Variants in P2RX3 observed in about 807,000 individuals in gnomAD.
P2RX3 encodes purinergic receptor P2X 3, also known as P2X purinoceptor 3.
Under a neutral mutation model 51.5 loss-of-function variants are expected in P2RX3, and 41 were observed. The observed-to-expected ratio is 0.80, with a 90% confidence interval of 0.62 to 1.03. The LOEUF is 1.03. Among genes scored for constraint, P2RX3 ranks in the 50% least tolerant of loss-of-function variants. The probability of loss-of-function intolerance (pLI) is 0.00; values close to 1 mark genes in which losing one functional copy is unlikely to be tolerated. For synonymous variants in P2RX3, 185 were observed against 191.6 expected (o/e 0.97, Z 0.29); for missense variants, 459 against 522.1 (o/e 0.88, Z 1.18).
chr11:57,360,601 G>C (rs1401299446), intron 8 of P2RX3, among the ~76,000 whole-genome samples: 1 of 151,570 alleles, frequency 6.6e-6, no homozygotes, highest in Non-Finnish European at 1.5e-5. Flanking sequence ...GACCATCCTG[G>C]CCAACATGGT....
At chr11:57,362,230 G>A (rs1856731442) in intron 8 of P2RX3, among the ~76,000 whole-genome samples, 1 of 152,244 alleles carries the variant, frequency 6.6e-6, no homozygotes, top group South Asian at 2.1e-4. Flanking sequence ...CAGGAAGGCA[G>A]GTAGTCTGGT....
Position 57,368,369 on chromosome 11 carries a change from C to T in P2RX3, c.937-3C>T. On this transcript the variant is annotated splice_polypyrimidine_tract_variant and splice_region_variant and intron_variant, in intron 9 of 11. Coordinates refer to ENST00000263314, the MANE Select transcript of P2RX3 (RefSeq NM_002559.5). ...CCACTTGCCTTGGTCTTTGTGCACA[C>T]AGGCTGGCAAGTTCAACATCATCCC... 1 of 1,614,162 alleles carries T rather than the reference C, an allele frequency of 6.2e-7. No individual in the cohort carries two copies. Among genetic ancestry groups the T allele is most frequent in the Non-Finnish European group, 8.5e-7 (1 of 1,180,030 alleles).
rs769245199 is a variant in P2RX3, at chr11:57,348,695, A to G, written c.554A>G (p.Asn185Ser). The G allele has an allele frequency of 3.1e-6, 5 of 1,613,012 alleles. No individual in the cohort carries two copies. In the Admixed American group the frequency reaches 5.0e-5, roughly 16 times the overall value. The change falls in exon 6 of 12, where the codon AAC becomes AGC. Residue 185 changes from asparagine (N) to serine (S), a missense_variant. By Grantham distance (46) the Asn-to-Ser change is conservative (BLOSUM62 1). Coordinates refer to ENST00000263314, the MANE Select transcript of P2RX3 (RefSeq NM_002559.5). ...IKNSIRFPLF[N>S]FEKGNLLPNL... ...AACAGCATCCGTTTCCCCCTCTTCA[A>G]CTTTGAGAAGTGAGTCCCCACTCCT...
chr11:57,346,787 G>T, intron 2 of P2RX3, 108 bp downstream of exon 2: 5 of 1,436,888 alleles, frequency 3.5e-6, no homozygotes, highest in Non-Finnish European at 4.7e-6. Context: ...TAGAATCCAT[G>T]ATGTCACTGA....
In P2RX3 at chr11:57,368,418, C is replaced by T; in HGVS notation, c.983C>T (p.Ala328Val). ...CCCACCATCATCAGCTCTGTGGCGG[C>T]CTTTACTTCTGTGGGAGTGGTGAGT... ...IIPTIISSVAAFTSVGVGTVL... is the reference protein window; with the variant it reads ...IIPTIISSVAVFTSVGVGTVL... Residue 328 changes from alanine (A) to valine (V), a missense_variant, in exon 10 of 12, where the codon GCC (alanine) becomes GTC (valine). By Grantham distance (64) the Ala-to-Val change is moderately conservative (BLOSUM62 0). Transcript: ENST00000263314. 1 of 1,614,184 alleles carries T rather than the reference C, an allele frequency of 6.2e-7. No homozygotes were observed. The highest frequency in any genetic ancestry group is 8.5e-7 in the Non-Finnish European group (1 of 1,180,032).
Position 57,348,298 on chromosome 11 carries a change from C to T in P2RX3, c.485+35C>T, listed in dbSNP as rs541753717. 14 of 1,541,510 alleles carry T rather than the reference C, an allele frequency of 9.1e-6. No individual in the cohort carries two copies. In the African/African-American group the frequency reaches 9.5e-5, roughly 10 times the overall value. On this transcript the variant is annotated intron_variant, in intron 5 of 11. Coordinates refer to ENST00000263314, the MANE Select transcript of P2RX3 (RefSeq NM_002559.5). Reference sequence around the variant, plus strand: ...CAAGCCAGACAGGAGGAGACAGGCCCCCACCTCAGCTCCCCTTTGCCCATG... The same window carrying T: ...CAAGCCAGACAGGAGGAGACAGGCCTCCACCTCAGCTCCCCTTTGCCCATG...
At chr11:57,368,330 C>T in intron 9 of P2RX3, 42 bp from the exon 10 acceptor site, 1 of 1,607,198 alleles carries the variant, frequency 6.2e-7, no homozygotes, top group Non-Finnish European at 8.5e-7. Flanking sequence ...ACCCCCATCC[C>T]ATGGGCCCTC....
intron 8 of P2RX3, among the ~76,000 whole-genome samples, chr11:57,367,308 C>T (rs2134449811): frequency 6.6e-6 from 1 of 152,266 alleles, no homozygotes; most frequent in South Asian, 2.1e-4. Flanking sequence ...GCTTTGAGCC[C>T]AAATAAGCAG....
intron 8 of P2RX3, among the ~76,000 whole-genome samples, chr11:57,358,187 T>G (rs1856659468): frequency 6.6e-6 from 1 of 152,248 alleles, no homozygotes; most frequent in Non-Finnish European, 1.5e-5. Context: ...GAAGTACTTC[T>G]AACAGTTAGA....
At chr11:57,348,327 G>A (rs1205367288) in intron 5 of P2RX3, 64 bp downstream of exon 5, 1 of 1,413,258 alleles carries the variant, frequency 7.1e-7, no homozygotes, top group East Asian at 2.5e-5. Context: ...GCCCATGTGG[G>A]AGCCGTGCGT....
chr11:57,367,686 A>G (rs1043432756), intron 8 of P2RX3, among the ~76,000 whole-genome samples: 1 of 152,198 alleles, frequency 6.6e-6, no homozygotes. Context: ...GCACCACTGC[A>G]CTGCAATGTG....
rs1456885252 is a variant in P2RX3 at position 57,347,190 on chromosome 11, G to A, written c.327+3G>A. On this transcript the variant is annotated splice_donor_region_variant and intron_variant, in intron 3 of 11. Coordinates refer to ENST00000263314, the MANE Select transcript of P2RX3 (RefSeq NM_002559.5). ...AGATGCAAGGATTCTGCCCAGAGGT[G>A]AGGGGAGGACAGAGGTTGGGTGAAG... 1 of 1,613,052 alleles carries A rather than the reference G, an allele frequency of 6.2e-7. No homozygotes were observed. Among genetic ancestry groups the A allele is most frequent in the Non-Finnish European group, 8.5e-7 (1 of 1,179,486 alleles).
intron 8 of P2RX3, among the ~76,000 whole-genome samples, chr11:57,353,971 T>A (rs1027215615): frequency 2.0e-5 from 3 of 151,958 alleles, no homozygotes; most frequent in African/African-American, 7.3e-5. Flanking sequence ...AAGCGGAAGT[T>A]CCAAAGGGGG....
At chr11:57,343,881 G>T (rs1401008290) in intron 1 of P2RX3, among the ~76,000 whole-genome samples, 2 of 152,208 alleles carry the variant, frequency 1.3e-5, no homozygotes, top group African/African-American at 4.8e-5. Flanking sequence ...TCACTCTGCA[G>T]GGCCCCAGGC....
chr11:57,338,540 ACT>A lies in P2RX3; in HGVS notation c.-5_-4del, dbSNP rs1442272216. 2 of 1,569,286 alleles carry A rather than the reference ACT, an allele frequency of 1.3e-6. No homozygotes were observed. Among genetic ancestry groups the A allele is most frequent in the Admixed American group, 3.4e-5 (2 of 59,464 alleles). On this transcript the variant is annotated 5_prime_UTR_variant, in exon 1 of 12. Coordinates refer to ENST00000263314, the MANE Select transcript of P2RX3 (RefSeq NM_002559.5). ...GCCCCCTTCTGAGTGTCCCCTGAGC[ACT>A]CTCTCAGCATGAACTGCATATCCGA...
At chr11:57,339,660 T>C (rs918629836) in intron 1 of P2RX3, among the ~76,000 whole-genome samples, 1 of 152,208 alleles carries the variant, frequency 6.6e-6, no homozygotes, top group Non-Finnish European at 1.5e-5. Flanking sequence ...AGGTTTTCTT[T>C]CCTGGCATGC....
At chr11:57,350,615 A>G (rs931979036) in intron 7 of P2RX3, 147 bp from the exon 8 acceptor site, 2 of 1,077,922 alleles carry the variant, frequency 1.9e-6, no homozygotes, top group African/African-American at 1.6e-5. Context: ...AGTATATGAC[A>G]TGTCACTTTC....
At chr11:57,347,520 G>T (rs1314844560) in intron 4 of P2RX3, 42 bp downstream of exon 4, 1 of 1,544,958 alleles carries the variant, frequency 6.5e-7, no homozygotes, top group Admixed American at 2.0e-5. Flanking sequence ...CCAAGTGTTA[G>T]TGGGACCCAT....
chr11:57,346,976 C>T (rs1311500867), intron 2 of P2RX3, 140 bp from the exon 3 acceptor site: 3 of 922,550 alleles, frequency 3.3e-6, no homozygotes, highest in Non-Finnish European at 5.0e-6. Context: ...CTCTGCCCCT[C>T]ACCAGCCCTG....
Sources: allele counts gnomAD v4.1 joint callset (sites outside exome capture counted in the v4.1 genomes callset), GRCh38; gene constraint gnomAD v4.1.1; transcripts MANE v1.5; gene names NCBI Gene and HGNC (gene_info 2026-07-23, HGNC 2026-07-21).